Variants in SUSD1 observed in about 807,000 individuals in gnomAD.
The protein encoded by SUSD1 is sushi domain containing 1, also known as sushi domain-containing protein 1.
Under a neutral mutation model 86.9 loss-of-function variants are expected in SUSD1, and 65 were observed. That is an observed-to-expected ratio of 0.75 (90% CI 0.61 to 0.92). The LOEUF (loss-of-function observed/expected upper bound fraction) is 0.92. Among genes scored for constraint, SUSD1 ranks in the 40% least tolerant of loss-of-function variants. The pLI is 0.00. For missense variants in SUSD1, 850 were observed against 929.7 expected (o/e 0.91, Z 1.11); for synonymous variants, 346 against 350.0 (o/e 0.99, Z 0.13).
chr9:112,105,889 T>C (rs1830818362), intron 8 of SUSD1, among the ~76,000 whole-genome samples: 1 of 152,170 alleles, frequency 6.6e-6, no homozygotes, highest in Non-Finnish European at 1.5e-5. Context: ...CAATAAACAT[T>C]TGCCGGGTAC....
At chr9:112,161,699 G>A (rs181950292) in intron 1 of SUSD1, among the ~76,000 whole-genome samples, 1 of 151,850 alleles carries the variant, frequency 6.6e-6, no homozygotes, top group East Asian at 1.9e-4. Flanking sequence ...GTATGCGCCT[G>A]TAATCCTAAC....
chr9:112,098,488 T>C lies in SUSD1; in HGVS notation c.1456A>G (p.Ile486Val), dbSNP rs753148227. 2.3e-5 allele frequency: 37 copies of C among 1,613,940 alleles called. No homozygotes were observed. Among genetic ancestry groups the C allele is most frequent in the Non-Finnish European group, 3.1e-5 (36 of 1,179,940 alleles). ...CACCCACCTGCTGGGGGAGTTGCTA[T>C]TGTTATTTGCACTGAGTGCCGCTTA... is the stretch of plus-strand genomic sequence containing the variant. Reference protein sequence around the residue: ...SPKRHSVQITIATPPAVKQTI... With the variant: ...SPKRHSVQITVATPPAVKQTI... The change falls in exon 10 of 17, where the codon ATA (isoleucine) becomes GTA (valine). Residue 486 changes from isoleucine to valine, a missense_variant. Coordinates refer to ENST00000374270, the MANE Select transcript of SUSD1 (RefSeq NM_022486.5).
chr9:112,106,021 G>A (rs912614679), intron 8 of SUSD1, among the ~76,000 whole-genome samples: 6 of 152,014 alleles, frequency 3.9e-5, no homozygotes, highest in Non-Finnish European at 8.8e-5. Flanking sequence ...AGACAGTCTC[G>A]CTCTGTTGCG....
chr9:112,103,992 A>T (rs1268313328), intron 8 of SUSD1, among the ~76,000 whole-genome samples: 1 of 152,080 alleles, frequency 6.6e-6, no homozygotes, highest in Non-Finnish European at 1.5e-5. Flanking sequence ...GATTTGAAGT[A>T]ATGCTTCAAC....
At chr9:112,111,218 T>C (rs1244660134) in intron 8 of SUSD1, among the ~76,000 whole-genome samples, 3 of 152,124 alleles carry the variant, frequency 2.0e-5, no homozygotes, top group Non-Finnish European at 4.4e-5. Flanking sequence ...GGTCTGGAAC[T>C]CCTGACCTCA....
At chr9:112,108,823 A>AG (rs545471036) in intron 8 of SUSD1, among the ~76,000 whole-genome samples, 2,091 of 144,010 alleles carry the variant, frequency 0.015, 17 homozygotes, top group Middle Eastern at 0.031. Flanking sequence ...GAAAAAAAAA[A>AG]AGAGAGAGAG....
At chr9:112,172,739 C>A (rs1834097836) in intron 1 of SUSD1, among the ~76,000 whole-genome samples, 2 of 152,170 alleles carry the variant, frequency 1.3e-5, no homozygotes, top group African/African-American at 4.8e-5. Context: ...CCATTTCCAC[C>A]TTACTGTCTA....
intron 5 of SUSD1, among the ~76,000 whole-genome samples, chr9:112,135,737 G>A (rs940178455): frequency 6.6e-6 from 1 of 152,192 alleles, no homozygotes; most frequent in African/African-American, 2.4e-5. Flanking sequence ...GAGGAGACCT[G>A]CCACTCCTCA....
At chr9:112,149,143 C>A in intron 3 of SUSD1, 101 bp downstream of exon 3, 1 of 1,479,182 alleles carries the variant, frequency 6.8e-7, no homozygotes, top group Middle Eastern at 1.8e-4. Context: ...ATTATGCCAT[C>A]TAACAAAACT....
At chr9:112,169,576 G>A (rs1045837696) in intron 1 of SUSD1, among the ~76,000 whole-genome samples, 11 of 151,608 alleles carry the variant, frequency 7.3e-5, no homozygotes, top group South Asian at 6.3e-4. Flanking sequence ...ATTCATTTAC[G>A]CCACACCCTA....
intron 15 of SUSD1, among the ~76,000 whole-genome samples, chr9:112,044,155 A>C (rs1220906779): frequency 6.6e-6 from 1 of 152,240 alleles, no homozygotes; most frequent in Non-Finnish European, 1.5e-5. Flanking sequence ...AGAATTAGTA[A>C]AGAAAAAATA....
In SUSD1 at chr9:112,050,400, T is replaced by A. The variant is rs59261381; in HGVS notation, c.2149+1999A>T. On this transcript the variant is annotated intron_variant, in intron 15 of 16. Coordinates refer to ENST00000374270, the MANE Select transcript of SUSD1 (RefSeq NM_022486.5). ...GTTGGTTTGAGCAGAGGTAAAAAGA[T>A]GAAAATAAGATCAGGAGAGAAGCAG... is the stretch of plus-strand genomic sequence containing the variant. 5.4e-3 allele frequency among the ~76,000 whole-genome samples: 819 copies of A among 152,192 alleles called. 9 individuals are homozygous for A. The highest frequency in any genetic ancestry group is 0.018 in the African/African-American group (759 of 41,520).
At chr9:112,124,148 G>A (rs1051610947) in intron 6 of SUSD1, 109 bp downstream of exon 6, 53 of 1,081,204 alleles carry the variant, frequency 4.9e-5, no homozygotes, top group Admixed American at 2.9e-4. Context: ...GTAAATAGCC[G>A]AGCTGGGTAC....
intron 13 of SUSD1, 24 bp downstream of exon 13, chr9:112,062,913 C>T (rs370756222): frequency 7.9e-6 from 12 of 1,512,342 alleles, no homozygotes; most frequent in Admixed American, 5.1e-5. Flanking sequence ...ACTGGGCAAC[C>T]GTGGAGAAAG....
chr9:112,082,020 C>T (rs1829787742), intron 10 of SUSD1, among the ~76,000 whole-genome samples: 1 of 152,040 alleles, frequency 6.6e-6, no homozygotes, highest in Non-Finnish European at 1.5e-5. Flanking sequence ...AGCAATTAAG[C>T]AATTTCTAGT....
At chr9:112,094,138 G>A (rs1404197519) in intron 10 of SUSD1, among the ~76,000 whole-genome samples, 3 of 152,088 alleles carry the variant, frequency 2.0e-5, no homozygotes, top group African/African-American at 7.2e-5. Context: ...TCTGGGATGG[G>A]GCCCAGGAAC....
rs112078748 is a variant in SUSD1, at chr9:112,140,078, TGG to T, written c.706+2240_706+2241del. Among the ~76,000 whole-genome samples the T allele has an allele frequency of 9.2e-3, 1,215 of 131,388 alleles. 24 individuals are homozygous for T. Among genetic ancestry groups the T allele is most frequent in the African/African-American group, 0.016 (449 of 28,426 alleles). 86.2% of individuals were successfully genotyped at this position (131,388 alleles called of 152,430 possible). On this transcript the variant is annotated intron_variant, in intron 5 of 16. Coordinates refer to ENST00000374270, the MANE Select transcript of SUSD1 (RefSeq NM_022486.5). ...CCATCTCTATAAAAAATACAAAAATTGGGGCCGGGCGCGGTGGCTCACGCCTG... is the reference window on the plus strand; with the variant it reads ...CCATCTCTATAAAAAATACAAAAATTGGCCGGGCGCGGTGGCTCACGCCTG...
chr9:112,158,449 G>A (rs1833431789), intron 1 of SUSD1, among the ~76,000 whole-genome samples: 1 of 151,942 alleles, frequency 6.6e-6, no homozygotes, highest in Non-Finnish European at 1.5e-5. Context: ...GAAGCGCAGT[G>A]GCATGATCTC....
intron 1 of SUSD1, among the ~76,000 whole-genome samples, chr9:112,161,942 A>G (rs978924651): frequency 1.3e-4 from 20 of 152,150 alleles, no homozygotes; most frequent in Non-Finnish European, 1.9e-4. Flanking sequence ...ACAATATACA[A>G]CTTGCCTCTC....
Sources: gnomAD v4.1 joint callset for allele counts (sites outside exome capture counted in the v4.1 genomes callset) on GRCh38, gnomAD v4.1.1 for gene constraint, MANE v1.5 for transcripts, NCBI Gene and HGNC (gene_info 2026-07-23, HGNC 2026-07-21) for gene names.